Variants in MCU observed in about 807,000 individuals in gnomAD.
MCU encodes the protein calcium uniporter protein, mitochondrial.
Under a neutral mutation model 45.2 loss-of-function variants are expected in MCU, and 12 were observed. That is an observed-to-expected ratio of 0.27 (90% CI 0.17 to 0.43). The LOEUF is 0.43. MCU is among the 20% of genes least tolerant of loss of function. MCU has a pLI of 1.00. For missense variants in MCU, 324 were observed against 436.7 expected (o/e 0.74, Z 2.30); for synonymous variants, 160 against 165.1 (o/e 0.97, Z 0.24).
intron 1 of MCU, among the ~76,000 whole-genome samples, chr10:72,715,593 A>G (rs1034679539): frequency 9.8e-5 from 15 of 152,332 alleles, no homozygotes; most frequent in African/African-American, 3.1e-4. Context: ...GTGTAAACCA[A>G]CTGGATTGCA....
At chr10:72,809,132 T>C (rs1844499788) in intron 1 of MCU, among the ~76,000 whole-genome samples, 1 of 152,176 alleles carries the variant, frequency 6.6e-6, no homozygotes, top group African/African-American at 2.4e-5. Context: ...ATTGGAGGCA[T>C]TGTAGTAGTA....
At chr10:72,843,553 A>G (rs1242343965) in intron 2 of MCU, among the ~76,000 whole-genome samples, 3 of 152,204 alleles carry the variant, frequency 2.0e-5, no homozygotes, top group East Asian at 3.8e-4. Flanking sequence ...CCACTTGCCT[A>G]CTGAAGGACA....
At chr10:72,814,597 C>G (rs1328236206) in intron 1 of MCU, among the ~76,000 whole-genome samples, 1 of 152,066 alleles carries the variant, frequency 6.6e-6, no homozygotes, top group African/African-American at 2.4e-5. Flanking sequence ...ATTATTAGTG[C>G]AACTAGGCAC....
At chr10:72,791,757 A>G (rs1449359029) in intron 1 of MCU, among the ~76,000 whole-genome samples, 1 of 152,088 alleles carries the variant, frequency 6.6e-6, no homozygotes, top group Non-Finnish European at 1.5e-5. Flanking sequence ...TCTTTATGTA[A>G]GAATATTAAT....
intron 1 of MCU, among the ~76,000 whole-genome samples, chr10:72,741,027 A>G (rs935843712): frequency 4.6e-5 from 7 of 152,000 alleles, no homozygotes; most frequent in African/African-American, 1.5e-4. Context: ...ACAATTAACA[A>G]TCTTTTTTTC....
At chr10:72,836,619 G>T (rs1165945125) in intron 2 of MCU, among the ~76,000 whole-genome samples, 1 of 151,968 alleles carries the variant, frequency 6.6e-6, no homozygotes, top group Non-Finnish European at 1.5e-5. Flanking sequence ...CATTATGAGG[G>T]TTTGAAGGCA....
In MCU at chr10:72,723,809, G is replaced by C. The variant is rs116576709; in HGVS notation, c.150+31508G>C. 1.1e-3 allele frequency among the ~76,000 whole-genome samples: 175 copies of C among 152,254 alleles called. 1 individual carries two copies. The highest frequency in any genetic ancestry group is 4.0e-3 in the African/African-American group (167 of 41,568). On this transcript the variant is annotated intron_variant, in intron 1 of 7. Coordinates refer to ENST00000373053, the MANE Select transcript of MCU (RefSeq NM_138357.3). ...AAACATTCTTTCCTCGTTTTCACCT[G>C]ATGACTTTTGTAGTTTGTTGCTCTG...
intron 1 of MCU, among the ~76,000 whole-genome samples, chr10:72,754,815 A>G (rs1221591656): frequency 1.3e-5 from 2 of 151,360 alleles, no homozygotes; most frequent in East Asian, 1.9e-4. Flanking sequence ...GGGCTTAGCT[A>G]GACACTGCCT....
At chr10:72,838,002 G>A (rs184064190) in intron 2 of MCU, among the ~76,000 whole-genome samples, 2 of 151,536 alleles carry the variant, frequency 1.3e-5, no homozygotes, top group Non-Finnish European at 1.5e-5. Flanking sequence ...GACTACAGGC[G>A]CTCACTACCA....
At chr10:72,801,625 C>G (rs1163112436) in intron 1 of MCU, among the ~76,000 whole-genome samples, 2 of 150,916 alleles carry the variant, frequency 1.3e-5, no homozygotes, top group Non-Finnish European at 2.9e-5. Flanking sequence ...TTCTAACATC[C>G]TGTTTCCTGA....
chr10:72,816,605 T>G (rs890207208), intron 1 of MCU, among the ~76,000 whole-genome samples: 1 of 152,222 alleles, frequency 6.6e-6, no homozygotes, highest in South Asian at 2.1e-4. Flanking sequence ...TAGCAATACT[T>G]AATTTCTATT....
intron 1 of MCU, among the ~76,000 whole-genome samples, chr10:72,792,058 C>G (rs1367539404): frequency 6.6e-6 from 1 of 152,060 alleles, no homozygotes; most frequent in Non-Finnish European, 1.5e-5. Context: ...GTTATAAAAC[C>G]GAACTGGGGT....
chr10:72,742,182 T>C (rs1431723907), intron 1 of MCU, among the ~76,000 whole-genome samples: 5 of 152,194 alleles, frequency 3.3e-5, no homozygotes, highest in African/African-American at 1.2e-4. Flanking sequence ...TACTATTTGT[T>C]ACAGGAACAT....
chr10:72,774,138 CACTTATA>C (rs1843854524), intron 1 of MCU, among the ~76,000 whole-genome samples: 1 of 152,118 alleles, frequency 6.6e-6, no homozygotes, highest in Non-Finnish European at 1.5e-5. Context: ...GTGTGCAGTA[CACTTATA>C]ACTCTAATAT....
chr10:72,765,104 A>AG (rs1450329444), intron 1 of MCU, among the ~76,000 whole-genome samples: 1 of 151,428 alleles, frequency 6.6e-6, no homozygotes, highest in Admixed American at 6.6e-5. Context: ...AAAAAAAAAA[A>AG]AGAGAGAGTT....
At chr10:72,756,161 G>A (rs1371727771) in intron 1 of MCU, among the ~76,000 whole-genome samples, 1 of 151,940 alleles carries the variant, frequency 6.6e-6, no homozygotes, top group Admixed American at 6.6e-5. Flanking sequence ...AATTTTTTGT[G>A]TTTTTATTAG....
intron 1 of MCU, among the ~76,000 whole-genome samples, chr10:72,794,787 A>G (rs1476846669): frequency 2.0e-5 from 3 of 152,288 alleles, no homozygotes; most frequent in East Asian, 1.9e-4. Context: ...AATGGAGAGT[A>G]TCTGTGAGGC....
In MCU at chr10:72,798,807, A is replaced by G. The variant is rs540225094; in HGVS notation, c.151-35552A>G. On this transcript the variant is annotated intron_variant, in intron 1 of 7. Transcript: ENST00000373053. Reference sequence around the variant, plus strand: ...ATATACAATGTGTGGATATAATTTAATCTAAAGTATAGAATCATACTGTAT... The same window carrying G: ...ATATACAATGTGTGGATATAATTTAGTCTAAAGTATAGAATCATACTGTAT... 3.9e-5 allele frequency among the ~76,000 whole-genome samples: 6 copies of G among 152,272 alleles called. 1 individual carries two copies. In the South Asian group the frequency reaches 1.0e-3, roughly 26 times the overall value.
At chr10:72,810,653 G>GTTGTTC (rs1844528991) in intron 1 of MCU, among the ~76,000 whole-genome samples, 1 of 151,044 alleles carries the variant, frequency 6.6e-6, no homozygotes, top group Admixed American at 6.6e-5. Flanking sequence ...TGTTGTTGTT[G>GTTGTTC]TTGTTGTTGT....
Sources: gnomAD v4.1 joint callset for allele counts (sites outside exome capture counted in the v4.1 genomes callset) on GRCh38, gnomAD v4.1.1 for gene constraint, MANE v1.5 for transcripts, NCBI Gene and HGNC (gene_info 2026-07-23, HGNC 2026-07-21) for gene names.